The following FREM3 variants were observed in gnomAD, a reference collection of about 807,000 sequenced individuals.
FREM3 encodes FRAS1 related extracellular matrix 3.
FREM3 carries 105 observed loss-of-function variants against 129.1 expected under a neutral mutation model. The ratio of observed to expected loss-of-function variants is 0.81; its 90% CI spans 0.69 to 0.96. FREM3 has a LOEUF of 0.96. FREM3 is among the 40% of genes least tolerant of loss of function. The pLI is 0.00. For missense variants in FREM3, 2,593 were observed against 2,666.3 expected, an observed-to-expected ratio of 0.97 and a Z score of 0.61; for synonymous variants, 1,014 against 1,044.9, an observed-to-expected ratio of 0.97 and a Z score of 0.57.
At chr4:143,639,478 G>A (rs955390267) in intron 2 of FREM3, among the ~76,000 whole-genome samples, 18 of 152,120 alleles carry the variant, frequency 1.2e-4, no homozygotes, top group African/African-American at 4.1e-4. Context: ...GGACCTTTCT[G>A]AGTTCCTTTT....
chr4:143,665,435 C>G (rs376514284), intron 2 of FREM3, among the ~76,000 whole-genome samples: 1 of 152,040 alleles, frequency 6.6e-6, no homozygotes. Context: ...ATCCCAGTTG[C>G]CTAGCATATA....
chr4:143,585,999 G>C lies in FREM3; in HGVS notation c.6029-6C>G, dbSNP rs757399777. The C allele has an allele frequency of 1.3e-4, 205 of 1,536,562 alleles. No homozygotes were observed. Among genetic ancestry groups the C allele is most frequent in the Non-Finnish European group, 1.7e-4 (194 of 1,146,720 alleles). Reference sequence around the variant, plus strand: ...CCCAAAGTGCAGGACAGGTTCTAAAGAGGCAAAAAAAGATACACTAAGAAT... The same window carrying C: ...CCCAAAGTGCAGGACAGGTTCTAAACAGGCAAAAAAAGATACACTAAGAAT... On this transcript the variant is annotated splice_region_variant and splice_polypyrimidine_tract_variant and intron_variant, in intron 6 of 7. Transcript: ENST00000329798. This position sits in a 1 kb window ranked among gnomAD's most constrained non-coding sequence, Gnocchi z 4.2.
intron 2 of FREM3, among the ~76,000 whole-genome samples, chr4:143,632,743 A>G (rs911277711): frequency 6.6e-6 from 1 of 152,176 alleles, no homozygotes; most frequent in Non-Finnish European, 1.5e-5. Context: ...TCCCTGGGCC[A>G]CATTGGAGGA....
At position 143,699,168 on chromosome 4, in the gene FREM3, A is replaced by G; in HGVS notation, c.1508T>C (p.Val503Ala). 1 of 1,537,126 alleles carries G rather than the reference A, an allele frequency of 6.5e-7. No homozygotes were observed. The highest frequency in any genetic ancestry group is 8.7e-7 in the Non-Finnish European group (1 of 1,146,898). Residue 503 changes from valine (V) to alanine (A), a missense_variant, in exon 1 of 8, where the codon GTG (valine) becomes GCG (alanine). Physicochemically the swap from Val to Ala is moderately conservative, Grantham distance 64. Around this residue, in one of 2 missense-constraint regions of FREM3, gnomAD observed 2,276 missense variants for 2,267.2 expected, o/e 1.00. Coordinates refer to ENST00000329798, the MANE Select transcript of FREM3 (RefSeq NM_001168235.2). This position sits in a 1 kb window ranked among gnomAD's most constrained non-coding sequence, Gnocchi z 4.2. The part of the protein sequence containing the change: ...FTPADLAAGR[V>A]VYQHDGSNTY... ...GTTGCTGCCATCATGCTGATACACC[A>G]CTCGCCCTGCTGCCAGGTCCGCTGG...
rs1453200859 is a variant in FREM3 at position 143,631,355 on chromosome 4, A to ATTTG, written c.5276-3599_5276-3596dup. 4.7e-5 allele frequency among the ~76,000 whole-genome samples: 7 copies of ATTTG among 149,332 alleles called. No homozygotes were observed. In the South Asian group the frequency reaches 8.3e-4, roughly 18 times the overall value. On this transcript the variant is annotated intron_variant, in intron 2 of 7. Transcript: ENST00000329798. ...TATTTATTTATTTATTTATTTATTT[A>ATTTG]TTTGTTTATACAGAGTCTTGCTTTG...
chr4:143,693,127 G>A lies in FREM3; in HGVS notation c.5261C>T (p.Ser1754Phe), dbSNP rs1429664612. The part of the protein sequence containing the change: ...SNASKDIFYF[S>F]VEDNGGNKLT... Reference sequence around the variant, plus strand: ...TTATGACTTACCATTGTCTTCAACAGAGAAATAGAAGATGTCCTTTGATGC... The same window carrying A: ...TTATGACTTACCATTGTCTTCAACAAAGAAATAGAAGATGTCCTTTGATGC... Residue 1754 changes from serine (S) to phenylalanine (F), a missense_variant, in exon 2 of 8, where the codon TCT (serine) becomes TTT (phenylalanine). Coordinates refer to ENST00000329798, the MANE Select transcript of FREM3 (RefSeq NM_001168235.2). 6.7e-7 allele frequency: 1 copy of A among 1,498,032 alleles called. No individual in the cohort carries two copies. The highest frequency in any genetic ancestry group is 2.5e-5 in the East Asian group (1 of 40,218). The allele number at this position is 1,498,032 out of a possible 1,614,324, so 92.8% of individuals were successfully genotyped here.
intron 4 of FREM3, among the ~76,000 whole-genome samples, chr4:143,621,655 C>T (rs1738953441): frequency 6.6e-6 from 1 of 152,152 alleles, no homozygotes; most frequent in African/African-American, 2.4e-5. Context: ...AAATAAGCTA[C>T]AGGTCCTTCC....
At chr4:143,677,320 T>C (rs2149857995) in intron 2 of FREM3, among the ~76,000 whole-genome samples, 1 of 152,316 alleles carries the variant, frequency 6.6e-6, no homozygotes, top group East Asian at 1.9e-4. Flanking sequence ...CAAATGGTGC[T>C]GGGAAAACTG....
rs1370863698 is a variant in FREM3 at position 143,693,209 on chromosome 4, A to C, written c.5186-7T>G. On this transcript the variant is annotated splice_polypyrimidine_tract_variant and splice_region_variant and intron_variant, in intron 1 of 7. Coordinates refer to ENST00000329798, the MANE Select transcript of FREM3 (RefSeq NM_001168235.2). ...TTCATCTCATCAATGTCAGCTAAAA[A>C]AAAAGCAACCATCACACAAAGTCAT... The C allele has an allele frequency of 4.1e-6, 6 of 1,467,306 alleles. No individual in the cohort carries two copies. The highest frequency in any genetic ancestry group is 9.1e-7 in the Non-Finnish European group (1 of 1,101,862). 90.9% of individuals were successfully genotyped at this position (1,467,306 alleles called of 1,614,324 possible).
intron 5 of FREM3, among the ~76,000 whole-genome samples, chr4:143,618,085 G>A (rs1303676408): frequency 1.3e-5 from 2 of 152,112 alleles, no homozygotes; most frequent in East Asian, 1.9e-4. Flanking sequence ...AAAATTCACC[G>A]AGTGTCTGTC....
Position 143,698,404 on chromosome 4 carries a change from G to A in FREM3, c.2272C>T (p.Arg758Trp), listed in dbSNP as rs975689828. The part of the protein sequence containing the change: ...PTDTDGNHQV[R>W]AGEIVLTDSP... Reference sequence around the variant, plus strand: ...TCAGTGAGCACAATTTCTCCAGCCCGGACTTGGTGGTTGCCATCTGTGTCA... The same window carrying A: ...TCAGTGAGCACAATTTCTCCAGCCCAGACTTGGTGGTTGCCATCTGTGTCA... The change falls in exon 1 of 8, where the codon CGG (arginine) becomes TGG (tryptophan). Residue 758 changes from arginine to tryptophan, a missense_variant. Transcript: ENST00000329798. 7.2e-5 allele frequency: 110 copies of A among 1,537,786 alleles called. No individual in the cohort carries two copies. Among genetic ancestry groups the A allele is most frequent in the Non-Finnish European group, 9.2e-5 (105 of 1,147,068 alleles).
chr4:143,578,334 A>G (rs1738075678), intron 7 of FREM3, among the ~76,000 whole-genome samples: 1 of 152,160 alleles, frequency 6.6e-6, no homozygotes, highest in Non-Finnish European at 1.5e-5. Flanking sequence ...CTCGGTTGTT[A>G]TTAATCATTT....
Position 143,577,746 on chromosome 4 carries a change from C to T in FREM3, c.6285G>A (p.Leu2095=), listed in dbSNP as rs1314343972. The T allele has an allele frequency of 6.5e-7, 1 of 1,537,296 alleles. No individual in the cohort carries two copies. Residue 2095 remains leucine (L), a synonymous_variant, in exon 8 of 8, where the codon TTG becomes TTA. Coordinates refer to ENST00000329798, the MANE Select transcript of FREM3 (RefSeq NM_001168235.2). ...GTAATTCAAACTTCTCTGGGCCTTC[C>T]AAGGTAGGCTGTCCCAGGTCATCAA... The part of the protein sequence containing the change: ...TILDDLGQPT[L]EGPEKFELLL...
Position 143,700,523 on chromosome 4 carries a change from C to G in FREM3, c.153G>C (p.Ala51=). ...DPALYLPARG[A]LDGTRPDGPS... is the part of the protein sequence containing the mutation. The stretch of plus-strand genomic sequence containing the variant: ...GGCCGTCGGGGCGAGTGCCGTCAAG[C>G]GCACCCCGGGCGGGCAGGTAAAGCG... Residue 51 remains alanine (A), a synonymous_variant, in exon 1 of 8, where the codon GCG becomes GCC. Coordinates refer to ENST00000329798, the MANE Select transcript of FREM3 (RefSeq NM_001168235.2). 1.3e-6 allele frequency: 2 copies of G among 1,518,946 alleles called. No homozygotes were observed. The allele number at this position is 1,518,946 out of a possible 1,614,324, so 94.1% of individuals were successfully genotyped here.
At chr4:143,661,666 A>C (rs1028928128) in intron 2 of FREM3, among the ~76,000 whole-genome samples, 1 of 152,166 alleles carries the variant, frequency 6.6e-6, no homozygotes, top group Non-Finnish European at 1.5e-5. Context: ...AAGGAATGGT[A>C]CCAGTTCCTT....
intron 6 of FREM3, among the ~76,000 whole-genome samples, chr4:143,593,885 A>T (rs1023463728): frequency 6.6e-6 from 1 of 152,176 alleles, no homozygotes; most frequent in Admixed American, 6.5e-5. Flanking sequence ...GGCTCTACCC[A>T]GTTTGAGCTT....
chr4:143,673,542 G>C (rs1169117705), intron 2 of FREM3, among the ~76,000 whole-genome samples: 2 of 152,216 alleles, frequency 1.3e-5, no homozygotes, highest in Non-Finnish European at 2.9e-5. Context: ...GTGGGTCAGG[G>C]ACCCACTTGA....
intron 2 of FREM3, among the ~76,000 whole-genome samples, chr4:143,653,473 G>A (rs1001760155): frequency 6.6e-6 from 1 of 152,140 alleles, no homozygotes; most frequent in African/African-American, 2.4e-5. Context: ...CCTTCTTTAA[G>A]GTCAATGGAG....
chr4:143,637,501 T>C (rs1261084203), intron 2 of FREM3, among the ~76,000 whole-genome samples: 1 of 152,084 alleles, frequency 6.6e-6, no homozygotes, highest in African/African-American at 2.4e-5. Flanking sequence ...CCAGTTCCAT[T>C]TCTCAGGCTT....
Sources: allele counts gnomAD v4.1 joint callset (sites outside exome capture counted in the v4.1 genomes callset), GRCh38; gene constraint gnomAD v4.1.1; regional missense constraint gnomAD v4.1.1; non-coding constraint Gnocchi (gnomAD v3.1); transcripts MANE v1.5; gene names NCBI Gene and HGNC (gene_info 2026-07-23, HGNC 2026-07-21).